LURAP1: variants seen among roughly 807,000 people sequenced by gnomAD.
LURAP1 encodes leucine rich adaptor protein 1, also known as NF-kappa-B activator C1orf190.
LURAP1 carries 14 observed loss-of-function variants against 19.0 expected under a neutral mutation model. That is an observed-to-expected ratio of 0.74 (90% CI 0.49 to 1.15). The LOEUF is 1.15. Ranked by LOEUF, LURAP1 falls within the 50% of genes most tolerant of loss-of-function variation. The pLI, the probability that LURAP1 is intolerant of heterozygous loss-of-function variation, is 0.00. For missense variants in LURAP1, 273 were observed against 309.1 expected (o/e 0.88, Z 0.87); for synonymous variants, 129 against 131.8 (o/e 0.98, Z 0.14).
intron 1 of LURAP1, among the ~76,000 whole-genome samples, chr1:46,210,880 T>C (rs972923004): frequency 2.6e-5 from 4 of 151,408 alleles, no homozygotes; most frequent in Admixed American, 2.0e-4. Context: ...GCTCAATCAA[T>C]CCTCCCAGTT....
At chr1:46,214,503 A>G (rs1013633197) in intron 1 of LURAP1, among the ~76,000 whole-genome samples, 1 of 152,246 alleles carries the variant, frequency 6.6e-6, no homozygotes, top group African/African-American at 2.4e-5. Context: ...AAAGGTAAAC[A>G]TTCAGAGAAC....
At chr1:46,214,419 T>TA (rs1441792804) in intron 1 of LURAP1, among the ~76,000 whole-genome samples, 2 of 151,134 alleles carry the variant, frequency 1.3e-5, no homozygotes, top group Non-Finnish European at 2.9e-5. Flanking sequence ...TACGAACTTA[T>TA]AAAAATCATT....
chr1:46,205,953 G>A lies in LURAP1; in HGVS notation c.198+2329G>A, dbSNP rs75480286. On this transcript the variant is annotated intron_variant, in intron 1 of 1. Coordinates refer to ENST00000371980, the MANE Select transcript of LURAP1 (RefSeq NM_001013615.3). Reference sequence around the variant, plus strand: ...CAGCTCTCCTTGCACAAAGGGGGAAGGCCTACCCTTGAGGCCAAGGTCAGT... The same window carrying A: ...CAGCTCTCCTTGCACAAAGGGGGAAAGCCTACCCTTGAGGCCAAGGTCAGT... Among the ~76,000 whole-genome samples the A allele has an allele frequency of 7.6e-4, 116 of 152,348 alleles. 1 individual carries two copies. In the East Asian group the frequency reaches 0.014, roughly 18 times the overall value.
chr1:46,209,271 G>A (rs1466662692), intron 1 of LURAP1, among the ~76,000 whole-genome samples: 2 of 152,110 alleles, frequency 1.3e-5, no homozygotes, highest in African/African-American at 2.4e-5. Flanking sequence ...TGATCCATCC[G>A]CCTTGGCCTC....
At chr1:46,217,074 C>G (rs1302287914) in intron 1 of LURAP1, among the ~76,000 whole-genome samples, 3 of 152,114 alleles carry the variant, frequency 2.0e-5, no homozygotes, top group Admixed American at 1.3e-4. Context: ...GGGAAAGAAC[C>G]ATTCACCCAA....
chr1:46,210,036 A>ACAGT (rs967633373), intron 1 of LURAP1, among the ~76,000 whole-genome samples: 2 of 152,206 alleles, frequency 1.3e-5, no homozygotes, highest in African/African-American at 4.8e-5. Flanking sequence ...AATAGTCTGT[A>ACAGT]CAGTCTGATA....
chr1:46,210,712 T>C (rs138127721), intron 1 of LURAP1, among the ~76,000 whole-genome samples: 26 of 152,304 alleles, frequency 1.7e-4, no homozygotes, highest in African/African-American at 6.3e-4. Context: ...TTCTGTGCTC[T>C]CCCTGGGTGC....
intron 1 of LURAP1, among the ~76,000 whole-genome samples, chr1:46,209,704 T>G (rs2148242047): frequency 6.6e-6 from 1 of 151,756 alleles, no homozygotes; most frequent in Middle Eastern, 3.4e-3. Context: ...AGAGACGGGG[T>G]TTTGCCATGT....
chr1:46,216,338 GC>G (rs1217423637), intron 1 of LURAP1, among the ~76,000 whole-genome samples: 2 of 151,334 alleles, frequency 1.3e-5, no homozygotes, highest in African/African-American at 2.4e-5. Context: ...GAGCCACCAC[GC>G]TCGGCCCTAT....
intron 1 of LURAP1, among the ~76,000 whole-genome samples, chr1:46,215,895 G>A (rs1486575050): frequency 1.3e-5 from 2 of 152,070 alleles, no homozygotes; most frequent in Non-Finnish European, 2.9e-5. Flanking sequence ...GTAAGACCCT[G>A]TCTCAAAAAT....
intron 1 of LURAP1, among the ~76,000 whole-genome samples, chr1:46,205,613 CTT>C (rs1183540821): frequency 6.6e-6 from 1 of 152,210 alleles, no homozygotes; most frequent in Non-Finnish European, 1.5e-5. Flanking sequence ...TATCTGTAAA[CTT>C]TAAGGGGCTG....
chr1:46,205,144 G>A (rs1658671436), intron 1 of LURAP1, among the ~76,000 whole-genome samples: 2 of 152,132 alleles, frequency 1.3e-5, no homozygotes. Context: ...TGTAGTCCTA[G>A]CTACTCTGGA....
intron 1 of LURAP1, among the ~76,000 whole-genome samples, chr1:46,207,706 T>C (rs1658764229): frequency 6.6e-6 from 1 of 150,906 alleles, no homozygotes; most frequent in African/African-American, 2.4e-5. Flanking sequence ...ACCCAGCTAA[T>C]TTTTTGTATT....
intron 1 of LURAP1, among the ~76,000 whole-genome samples, chr1:46,210,684 C>T (rs1053513576): frequency 6.6e-6 from 1 of 152,146 alleles, no homozygotes; most frequent in African/African-American, 2.4e-5. Context: ...GCAAGGCATA[C>T]GGGAAGGGGT....
At chr1:46,219,616 G>A in intron 1 of LURAP1, 83 bp from the exon 2 acceptor site, 1 of 1,421,124 alleles carries the variant, frequency 7.0e-7, no homozygotes, top group Non-Finnish European at 9.4e-7. Context: ...ATGGTTGGCT[G>A]AACCACAAGG....
intron 1 of LURAP1, among the ~76,000 whole-genome samples, chr1:46,214,351 G>GAA (rs57471712): frequency 5.5e-5 from 7 of 127,486 alleles, no homozygotes; most frequent in Non-Finnish European, 8.5e-5. Context: ...GTCTCAAAAA[G>GAA]AAAAAAAAAA....
In LURAP1 at chr1:46,203,361, AG is replaced by A; in HGVS notation, c.-63del. 1 of 1,396,684 alleles carries A rather than the reference AG, an allele frequency of 7.2e-7. No individual in the cohort carries two copies. Among genetic ancestry groups the A allele is most frequent in the South Asian group, 1.5e-5 (1 of 64,796 alleles). 86.5% of individuals were successfully genotyped at this position (1,396,684 alleles called of 1,614,324 possible). On this transcript the variant is annotated 5_prime_UTR_variant, in exon 1 of 2. Transcript: ENST00000371980. ...TTTTGCTCCGCTTTAGCAGCGGCGAAGGGAGGACCCCCGGGAGCCGGTCCCC... is the reference window on the plus strand; with the variant it reads ...TTTTGCTCCGCTTTAGCAGCGGCGAAGGAGGACCCCCGGGAGCCGGTCCCC...
rs751344486 is a variant in LURAP1, at chr1:46,220,259, T to C, written c.*39T>C. On this transcript the variant is annotated 3_prime_UTR_variant, in exon 2 of 2. Transcript: ENST00000371980. The stretch of plus-strand genomic sequence containing the variant: ...CTTTTGTAATCCTGTGGCTCTTTTA[T>C]CCATTAGATGTGGTCTCCCCCAAAA... The C allele has an allele frequency of 1.3e-6, 2 of 1,552,632 alleles. No individual in the cohort carries two copies. Among genetic ancestry groups the C allele is most frequent in the South Asian group, 2.5e-5 (2 of 81,318 alleles).
At position 46,221,199 on chromosome 1, in the gene LURAP1, G is replaced by T; in HGVS notation, c.*979G>T. On this transcript the variant is annotated 3_prime_UTR_variant, in exon 2 of 2. Transcript: ENST00000371980. ...CCTCCTGGCAGGAAAGTTTCTCATT[G>T]TCAGATGTTTGTGCTTCTTTTCAGG... 1 of 152,356 alleles carries T rather than the reference G, an allele frequency of 6.6e-6. No individual in the cohort carries two copies. Among genetic ancestry groups the T allele is most frequent in the Non-Finnish European group, 1.5e-5 (1 of 68,058 alleles). The allele number at this position is 152,356 out of a possible 1,614,324, so 9.4% of individuals were successfully genotyped here. A position where few individuals can be genotyped will look rare whatever the true frequency, so the allele number is the denominator to read the frequency against.
Sources: allele counts gnomAD v4.1 joint callset (sites outside exome capture counted in the v4.1 genomes callset), GRCh38; gene constraint gnomAD v4.1.1; transcripts MANE v1.5; gene names NCBI Gene and HGNC (gene_info 2026-07-23, HGNC 2026-07-21).